The following ADAMTSL1 variants were observed in gnomAD, a reference collection of about 807,000 sequenced individuals.
The protein encoded by ADAMTSL1 is ADAMTS like 1.
Under a neutral mutation model 201.8 loss-of-function variants are expected in ADAMTSL1, and 126 were observed. That is an observed-to-expected ratio of 0.62 (90% confidence interval 0.54 to 0.72). ADAMTSL1 has a LOEUF of 0.72. Among genes scored for constraint, ADAMTSL1 ranks in the 30% least tolerant of loss-of-function variants. The probability of loss-of-function intolerance (pLI) is 0.00; values close to 1 mark genes in which losing one functional copy is unlikely to be tolerated. For missense variants in ADAMTSL1, 2,679 were observed against 2,277.8 expected, an observed-to-expected ratio of 1.18 and a Z score of -3.59; for synonymous variants, 1,121 against 903.4, an observed-to-expected ratio of 1.24 and a Z score of -4.32.
chr9:18,777,927 G>C (rs1426686509), intron 19 of ADAMTSL1, 21 bp downstream of exon 19: 8 of 1,518,620 alleles, frequency 5.3e-6, no homozygotes, highest in South Asian at 2.6e-5. Context: ...TAGCTAACCT[G>C]GTCTTGGGAG....
Position 18,474,263 on chromosome 9 carries a change from A to G in ADAMTSL1, c.31A>G (p.Thr11Ala). Residue 11 changes from threonine to alanine, a missense_variant, in exon 1 of 29, where the codon ACA becomes GCA. Physicochemically the swap from Thr to Ala is moderately conservative, Grantham distance 58 (BLOSUM62 0). Coordinates refer to ENST00000380548, the MANE Select transcript of ADAMTSL1 (RefSeq NM_001040272.6). MECCRRATPG[T>A]LLLFLAFLLL... ...ATGCTGCCGTCGGGCAACTCCTGGC[A>G]CACTGCTCCTCTTTCTGGCTTTCCT... 6.2e-7 allele frequency: 1 copy of G among 1,614,160 alleles called. No individual in the cohort carries two copies. Among genetic ancestry groups the G allele is most frequent in the Non-Finnish European group, 8.5e-7 (1 of 1,180,024 alleles).
intron 2 of ADAMTSL1, among the ~76,000 whole-genome samples, chr9:18,527,028 G>A (rs115483265): frequency 0.011 from 1,750 of 152,208 alleles, 35 homozygotes; most frequent in African/African-American, 0.04. Flanking sequence ...AGTTTGAGGT[G>A]GGAGGATCAG....
chr9:18,488,317 T>C (rs913548168), intron 1 of ADAMTSL1, among the ~76,000 whole-genome samples: 4 of 152,204 alleles, frequency 2.6e-5, no homozygotes, highest in African/African-American at 9.6e-5. Flanking sequence ...TTTCCTTATC[T>C]GGAAGCAAGT....
chr9:18,438,852 AT>A, intron 2 of ADAMTSL1, among the ~76,000 whole-genome samples: 1 of 152,108 alleles, frequency 6.6e-6, no homozygotes, highest in South Asian at 2.1e-4. Flanking sequence ...CACCACGTGC[AT>A]TTCCCCAAGT....
intron 4 of ADAMTSL1, among the ~76,000 whole-genome samples, chr9:18,612,012 G>A (rs1587705363): frequency 6.6e-6 from 1 of 152,264 alleles, no homozygotes; most frequent in African/African-American, 2.4e-5. Context: ...ATTAGGAAGA[G>A]CCAGGAATCA....
intron 2 of ADAMTSL1, among the ~76,000 whole-genome samples, chr9:18,258,491 T>G (rs1186043499): frequency 1.3e-5 from 2 of 152,206 alleles, no homozygotes; most frequent in Admixed American, 6.5e-5. Flanking sequence ...CAGCTTTCTC[T>G]GCATTCTCTC....
intron 2 of ADAMTSL1, among the ~76,000 whole-genome samples, chr9:18,272,113 C>A (rs1362668461): frequency 6.6e-6 from 1 of 151,984 alleles, no homozygotes; most frequent in African/African-American, 2.4e-5. Flanking sequence ...AACTTTTCTC[C>A]CATTCTGTAG....
intron 9 of ADAMTSL1, 106 bp from the exon 10 acceptor site, chr9:18,675,751 A>G: frequency 2.1e-6 from 2 of 966,384 alleles, no homozygotes; most frequent in South Asian, 1.5e-5. Flanking sequence ...CAATTTATTA[A>G]TGTTATTTTG....
intron 1 of ADAMTSL1, among the ~76,000 whole-genome samples, chr9:18,080,035 A>T (rs1317552455): frequency 6.6e-6 from 1 of 152,212 alleles, no homozygotes; most frequent in South Asian, 2.1e-4. Context: ...TTGTGTACTG[A>T]TGATGACAAG....
In ADAMTSL1 at chr9:18,200,355, A is replaced by G. The variant is rs1245725585; in HGVS notation, c.207+36374A>G. Among the ~76,000 whole-genome samples the G allele has an allele frequency of 5.3e-5, 8 of 151,966 alleles. No homozygotes were observed. In the East Asian group the frequency reaches 9.7e-4, roughly 18 times the overall value. On this transcript the variant is annotated intron_variant, in intron 2 of 29. Transcript: ENST00000680146. ...TTTGATTATTATACTCTTATTCTAT[A>G]CTCATTTGATTCTCTTTTGGAACTG...
At chr9:18,049,817 G>A (rs1821848636) in intron 1 of ADAMTSL1, among the ~76,000 whole-genome samples, 1 of 152,070 alleles carries the variant, frequency 6.6e-6, no homozygotes, top group African/African-American at 2.4e-5. Context: ...TAGAGATAGG[G>A]TTTTACCGTG....
chr9:18,507,395 C>A (rs1349152701), intron 2 of ADAMTSL1, among the ~76,000 whole-genome samples: 5 of 152,118 alleles, frequency 3.3e-5, no homozygotes, highest in African/African-American at 1.2e-4. Context: ...TCTCCAAGGA[C>A]AATTTAAAGA....
At chr9:18,584,864 A>G (rs1823378037) in intron 4 of ADAMTSL1, among the ~76,000 whole-genome samples, 2 of 152,184 alleles carry the variant, frequency 1.3e-5, no homozygotes, top group African/African-American at 4.8e-5. Flanking sequence ...AAATGCCGGC[A>G]CCTGGATCAT....
chr9:18,538,987 A>C (rs1030137786), intron 3 of ADAMTSL1, among the ~76,000 whole-genome samples: 9 of 152,144 alleles, frequency 5.9e-5, no homozygotes, highest in African/African-American at 1.9e-4. Flanking sequence ...AATAATAACA[A>C]CTGCAAGAGT....
chr9:18,403,350 A>G (rs1002660027), intron 2 of ADAMTSL1, among the ~76,000 whole-genome samples: 1 of 151,706 alleles, frequency 6.6e-6, no homozygotes, highest in African/African-American at 2.4e-5. Flanking sequence ...TGCCCAGCTA[A>G]TTTTTGTATT....
At chr9:18,847,719 A>G (rs979166300) in intron 23 of ADAMTSL1, among the ~76,000 whole-genome samples, 9 of 152,212 alleles carry the variant, frequency 5.9e-5, no homozygotes, top group African/African-American at 2.2e-4. Flanking sequence ...CGCCTGCATG[A>G]AACGTGCATG....
chr9:18,564,170 C>T (rs916162318), intron 3 of ADAMTSL1, among the ~76,000 whole-genome samples: 2 of 152,186 alleles, frequency 1.3e-5, no homozygotes, highest in Non-Finnish European at 2.9e-5. Flanking sequence ...TCCTGGTCTG[C>T]GCATTGCAAA....
intron 2 of ADAMTSL1, among the ~76,000 whole-genome samples, chr9:18,274,105 A>C (rs1193882772): frequency 6.6e-6 from 1 of 152,250 alleles, no homozygotes; most frequent in Non-Finnish European, 1.5e-5. Flanking sequence ...AGGAATTTAG[A>C]TATCTCTCAC....
chr9:18,116,053 A>G (rs1174731666), intron 1 of ADAMTSL1, among the ~76,000 whole-genome samples: 1 of 152,192 alleles, frequency 6.6e-6, no homozygotes, highest in African/African-American at 2.4e-5. Context: ...CAGCACTATT[A>G]GAGGAAGCAG....
Sources: allele counts gnomAD v4.1 joint callset (sites outside exome capture counted in the v4.1 genomes callset), GRCh38; gene constraint gnomAD v4.1.1; transcripts MANE v1.5; gene names NCBI Gene and HGNC (gene_info 2026-07-23, HGNC 2026-07-21).